The following TMEM178B variants were observed in gnomAD, a reference collection of about 807,000 sequenced individuals.
TMEM178B encodes transmembrane protein 178B.
A neutral mutation model predicts 31.0 loss-of-function variants in TMEM178B; 5 were observed. That is an observed-to-expected ratio of 0.16 (90% CI 0.08 to 0.34). The LOEUF is 0.34. Among genes scored for constraint, TMEM178B ranks in the 10% least tolerant of loss-of-function variants. The probability of loss-of-function intolerance (pLI) is 1.00; values close to 1 mark genes in which losing one functional copy is unlikely to be tolerated. For synonymous variants in TMEM178B, 164 were observed against 164.0 expected, an observed-to-expected ratio of 1.00 and a Z score of 0.00; for missense variants, 275 against 400.3, an observed-to-expected ratio of 0.69 and a Z score of 2.67.
At chr7:141,457,641 A>T (rs1801990094) in intron 3 of TMEM178B, among the ~76,000 whole-genome samples, 1 of 152,252 alleles carries the variant, frequency 6.6e-6, no homozygotes, top group Admixed American at 6.5e-5. Context: ...TTAATAAGAA[A>T]GTGTGGGGTA....
intron 3 of TMEM178B, among the ~76,000 whole-genome samples, chr7:141,454,354 A>G (rs1801922396): frequency 6.6e-6 from 1 of 152,014 alleles, no homozygotes; most frequent in Non-Finnish European, 1.5e-5. Context: ...AAGGCCTTAC[A>G]GAGAAGTGAC....
At chr7:141,212,512 A>T in intron 1 of TMEM178B, 79 bp from the exon 2 acceptor site, 1 of 1,218,310 alleles carries the variant, frequency 8.2e-7, no homozygotes, top group Non-Finnish European at 1.2e-6. Flanking sequence ...CTTCTCCAGG[A>T]TGGAAAAATT....
chr7:141,442,171 C>G (rs1005767551), intron 3 of TMEM178B, among the ~76,000 whole-genome samples: 1 of 152,168 alleles, frequency 6.6e-6, no homozygotes, highest in Admixed American at 6.5e-5. Context: ...GGATACGGAT[C>G]CCCAAGATGA....
intron 2 of TMEM178B, among the ~76,000 whole-genome samples, chr7:141,413,839 CTTA>C (rs35958709): frequency 0.28 from 42,814 of 151,892 alleles, 6,400 homozygotes; most frequent in Non-Finnish European, 0.32. Flanking sequence ...GCAACACATA[CTTA>C]TTATTGTGGG....
intron 2 of TMEM178B, chr7:141,431,260 T>C (rs923326763): frequency 1.3e-5 from 2 of 152,080 alleles, no homozygotes; most frequent in Non-Finnish European, 2.9e-5. Flanking sequence ...ATTCAGCCCA[T>C]ATATTTTCTT....
chr7:141,404,422 G>C (rs895580142), intron 2 of TMEM178B, among the ~76,000 whole-genome samples: 2 of 152,226 alleles, frequency 1.3e-5, no homozygotes, highest in Admixed American at 6.5e-5. Context: ...TCTCCCCGAA[G>C]GCCATAGGGG....
chr7:141,454,240 G>A (rs762792275), intron 3 of TMEM178B, among the ~76,000 whole-genome samples: 104 of 152,198 alleles, frequency 6.8e-4, no homozygotes, highest in Admixed American at 3.3e-4. Flanking sequence ...GCTAAGGGAA[G>A]TGGGGCAGCC....
chr7:141,292,724 G>A (rs1455298194), intron 2 of TMEM178B, among the ~76,000 whole-genome samples: 3 of 134,738 alleles, frequency 2.2e-5, no homozygotes, highest in Admixed American at 8.8e-5. Context: ...TGCAACCTCC[G>A]CCTCCCGGGT....
At chr7:141,323,880 G>T (rs1279469623) in intron 2 of TMEM178B, among the ~76,000 whole-genome samples, 1 of 152,264 alleles carries the variant, frequency 6.6e-6, no homozygotes, top group African/African-American at 2.4e-5. Flanking sequence ...GATGGAAACA[G>T]ATTTTGAGAA....
At chr7:141,147,940 C>T (rs140386120) in intron 1 of TMEM178B, among the ~76,000 whole-genome samples, 23 of 152,274 alleles carry the variant, frequency 1.5e-4, no homozygotes, top group African/African-American at 4.1e-4. Context: ...AAGAGAACAG[C>T]GTTAGGTTTC....
At chr7:141,325,304 C>G (rs770495799) in intron 2 of TMEM178B, among the ~76,000 whole-genome samples, 4 of 152,272 alleles carry the variant, frequency 2.6e-5, no homozygotes, top group African/African-American at 9.6e-5. Context: ...GTAAATCTCA[C>G]GTCATCCCCC....
At chr7:141,263,183 G>C (rs114821895) in intron 2 of TMEM178B, among the ~76,000 whole-genome samples, 3,327 of 152,242 alleles carry the variant, frequency 0.022, 107 homozygotes, top group African/African-American at 0.076. Context: ...ACAGGGGTGT[G>C]ATTCCTGAGG....
intron 2 of TMEM178B, among the ~76,000 whole-genome samples, chr7:141,240,498 C>T (rs1487636591): frequency 6.6e-6 from 1 of 152,250 alleles, no homozygotes; most frequent in Non-Finnish European, 1.5e-5. Context: ...TGGATGATGA[C>T]ACCTTTCACT....
At chr7:141,510,306 G>A in the TMEM178B span, among the ~76,000 whole-genome samples, 1 of 152,034 alleles carries the variant, frequency 6.6e-6, no homozygotes, top group Admixed American at 6.6e-5. Flanking sequence ...TAAAATAAGT[G>A]GAATTAGAGT....
Position 141,423,813 on chromosome 7 carries a change from T to G in TMEM178B, c.497-13795T>G, listed in dbSNP as rs531999897. On this transcript the variant is annotated intron_variant, in intron 2 of 3. Coordinates refer to ENST00000565468, the MANE Select transcript of TMEM178B (RefSeq NM_001195278.2). ...TCTATAGTGACATTTGTGTTTTTTT[T>G]TTTTTTTTTTTTTGAAATGGAGTCT... 2.8e-3 allele frequency among the ~76,000 whole-genome samples: 413 copies of G among 148,504 alleles called. 3 individuals are homozygous for G. The highest frequency in any genetic ancestry group is 9.7e-3 in the African/African-American group (391 of 40,210).
intron 2 of TMEM178B, among the ~76,000 whole-genome samples, chr7:141,383,939 G>A (rs1305054951): frequency 1.3e-5 from 2 of 152,138 alleles, no homozygotes; most frequent in Non-Finnish European, 1.5e-5. Context: ...ATCTCATTGT[G>A]GTTTTGATTT....
chr7:141,451,287 TG>T (rs1801857827), intron 3 of TMEM178B, among the ~76,000 whole-genome samples: 2 of 152,372 alleles, frequency 1.3e-5, no homozygotes, highest in African/African-American at 4.8e-5. Flanking sequence ...ACGGTTGTTA[TG>T]AGAATTAAAT....
At chr7:141,106,419 TA>T (rs2129174509) in intron 1 of TMEM178B, among the ~76,000 whole-genome samples, 1 of 152,390 alleles carries the variant, frequency 6.6e-6, no homozygotes, top group South Asian at 2.1e-4. Flanking sequence ...ATCTAACTTT[TA>T]AAGTGAAAAC....
At chr7:141,293,552 G>T (rs1337551305) in intron 2 of TMEM178B, among the ~76,000 whole-genome samples, 1 of 152,176 alleles carries the variant, frequency 6.6e-6, no homozygotes, top group African/African-American at 2.4e-5. Flanking sequence ...AGAGTGGGAT[G>T]CAGGCAGAGG....
Sources: allele counts gnomAD v4.1 joint callset (sites outside exome capture counted in the v4.1 genomes callset), GRCh38; gene constraint gnomAD v4.1.1; transcripts MANE v1.5; gene names NCBI Gene and HGNC (gene_info 2026-07-23, HGNC 2026-07-21).